The following ZNF808 variants were observed in gnomAD, a reference collection of about 807,000 sequenced individuals.
ZNF808 encodes the protein zinc finger protein 808.
Under a neutral mutation model 8.7 loss-of-function variants are expected in ZNF808, and 5 were observed. That is an observed-to-expected ratio of 0.58 (90% CI 0.30 to 1.21). The LOEUF is 1.21. Ranked by LOEUF, ZNF808 falls within the 50% of genes most tolerant of loss-of-function variation. The pLI is 0.07. For missense variants in ZNF808, 1,103 were observed against 1,098.4 expected (o/e 1.00, Z -0.06); for synonymous variants, 380 against 366.0 (o/e 1.04, Z -0.44).
At chr19:52,540,932 T>G (rs1348178879) in intron 2 of ZNF808, among the ~76,000 whole-genome samples, 1 of 152,130 alleles carries the variant, frequency 6.6e-6, no homozygotes, top group Non-Finnish European at 1.5e-5. Flanking sequence ...GTATATAAGA[T>G]GGTCCTGGAA....
chr19:52,532,739 A>C (rs77565788), intron 1 of ZNF808, among the ~76,000 whole-genome samples, 169 bp from the exon 2 acceptor site: 1 of 72,106 alleles, frequency 1.4e-5, no homozygotes, highest in Admixed American at 1.8e-4. Flanking sequence ...CACGTAAAGT[A>C]TTTATTAAGT....
chr19:52,542,638 CTTAATT>C (rs1308054377), intron 2 of ZNF808, among the ~76,000 whole-genome samples: 3 of 151,996 alleles, frequency 2.0e-5, no homozygotes. Context: ...CGGGGCAGAG[CTTAATT>C]TTATACATTT....
intron 2 of ZNF808, among the ~76,000 whole-genome samples, 187 bp downstream of exon 2, chr19:52,533,196 T>G (rs1050510509): frequency 2.0e-5 from 3 of 152,140 alleles, no homozygotes; most frequent in Admixed American, 1.3e-4. Context: ...TTTGTTTAAT[T>G]TTCTTTTATT....
chr19:52,530,536 G>C (rs1337386223), intron 1 of ZNF808, among the ~76,000 whole-genome samples: 1 of 152,142 alleles, frequency 6.6e-6, no homozygotes, highest in South Asian at 2.1e-4. Context: ...GGTGGCAGAT[G>C]CCTGTAATCC....
In ZNF808 at chr19:52,553,497, A is replaced by G; in HGVS notation, c.581A>G (p.Gln194Arg). Residue 194 changes from glutamine to arginine, a missense_variant, in exon 5 of 5, where the codon CAA becomes CGA. By Grantham distance (43) the Gln-to-Arg change is conservative (BLOSUM62 1). Coordinates refer to ENST00000359798, the MANE Select transcript of ZNF808 (RefSeq NM_001039886.4). ...TSDASSVSTSQRISCRPQIHI... is the reference protein window; with the variant it reads ...TSDASSVSTSRRISCRPQIHI... Reference sequence around the variant, plus strand: ...GATGCTTCCTCAGTTTCAACATCCCAAAGAATTTCCTGTAGGCCCCAAATC... The same window carrying G: ...GATGCTTCCTCAGTTTCAACATCCCGAAGAATTTCCTGTAGGCCCCAAATC... The G allele has an allele frequency of 1.9e-6, 3 of 1,614,178 alleles. No individual in the cohort carries two copies. Among genetic ancestry groups the G allele is most frequent in the Non-Finnish European group, 1.7e-6 (2 of 1,180,026 alleles).
Position 52,553,609 on chromosome 19 carries a change from C to T in ZNF808, c.693C>T (p.Phe231=), listed in dbSNP as rs748865263. ...KQEVHMREKS[F]PCNESGKAFN... ...AAGTACACATGAGAGAAAAATCTTT[C>T]CCATGTAATGAGAGTGGCAAAGCCT... The change falls in exon 5 of 5, where the codon TTC becomes TTT. Residue 231 remains phenylalanine, a synonymous_variant. Transcript: ENST00000359798. 1 of 1,614,158 alleles carries T rather than the reference C, an allele frequency of 6.2e-7. No individual in the cohort carries two copies. Among genetic ancestry groups the T allele is most frequent in the Admixed American group, 1.7e-5 (1 of 60,014 alleles).
At chr19:52,560,609 T>C (rs115618702), downstream of ZNF808, among the ~76,000 whole-genome samples, 1,035 of 152,288 alleles carry the variant, frequency 6.8e-3, 8 homozygotes, top group African/African-American at 0.022. Flanking sequence ...AAAACTGCTT[T>C]CACCTCAGGC....
downstream of ZNF808, among the ~76,000 whole-genome samples, chr19:52,566,367 T>G (rs551070811): frequency 1.3e-5 from 2 of 152,166 alleles, no homozygotes; most frequent in East Asian, 3.9e-4. Context: ...GGTTTCATTA[T>G]GTTAGTCAGG....
Position 52,528,902 on chromosome 19 carries a change from G to C in ZNF808, c.-122+1191G>C, listed in dbSNP as rs576677602. Among the ~76,000 whole-genome samples the C allele has an allele frequency of 3.3e-5, 5 of 152,032 alleles. No individual in the cohort carries two copies. The South Asian group carries it at 1.0e-3, about 32-fold the overall frequency. On this transcript the variant is annotated intron_variant, in intron 1 of 4. Transcript: ENST00000359798. ...CAATAAGAGGTTAAATAAGTTGCGAGGATGGAGCAGAAGAGATGGAAGAGA... is the reference window on the plus strand; with the variant it reads ...CAATAAGAGGTTAAATAAGTTGCGACGATGGAGCAGAAGAGATGGAAGAGA...
At chr19:52,546,087 T>C (rs2059717111) in intron 3 of ZNF808, among the ~76,000 whole-genome samples, 1 of 152,234 alleles carries the variant, frequency 6.6e-6, no homozygotes, top group Non-Finnish European at 1.5e-5. Flanking sequence ...TGGGACAGTA[T>C]GTTATTTTAT....
At chr19:52,539,946 G>C (rs1406286251) in intron 2 of ZNF808, among the ~76,000 whole-genome samples, 2 of 152,054 alleles carry the variant, frequency 1.3e-5, no homozygotes, top group African/African-American at 2.4e-5. Flanking sequence ...CTGGGCTCAA[G>C]TGATTTTCCC....
In ZNF808 at chr19:52,530,028, T is replaced by C. The variant is rs1390333025; in HGVS notation, c.-122+2317T>C. Among the ~76,000 whole-genome samples, 11 of 151,656 alleles carry C rather than the reference T, an allele frequency of 7.3e-5. No individual in the cohort carries two copies. The South Asian group carries it at 2.3e-3, about 32-fold the overall frequency. Reference sequence around the variant, plus strand: ...AAATTACTGGGATTACAGGTGGGATTACAGGGATGGCCCACCGCGTCTGGC... The same window carrying C: ...AAATTACTGGGATTACAGGTGGGATCACAGGGATGGCCCACCGCGTCTGGC... On this transcript the variant is annotated intron_variant, in intron 1 of 4. Coordinates refer to ENST00000359798, the MANE Select transcript of ZNF808 (RefSeq NM_001039886.4).
At chr19:52,536,883 GA>G (rs772098472) in intron 2 of ZNF808, among the ~76,000 whole-genome samples, 9 of 152,092 alleles carry the variant, frequency 5.9e-5, no homozygotes, top group South Asian at 2.1e-4. Flanking sequence ...TGGGGAGAAG[GA>G]GCAACAAGAG....
intron 3 of ZNF808, among the ~76,000 whole-genome samples, chr19:52,544,278 C>T (rs2059700465): frequency 6.6e-6 from 1 of 152,156 alleles, no homozygotes; most frequent in African/African-American, 2.4e-5. Context: ...CTACTGTAGC[C>T]TCCCAAAGAG....
Position 52,554,795 on chromosome 19 carries a change from G to A in ZNF808, c.1879G>A (p.Val627Ile). The A allele has an allele frequency of 6.2e-7, 1 of 1,613,866 alleles. No individual in the cohort carries two copies. The highest frequency in any genetic ancestry group is 2.2e-5 in the East Asian group (1 of 44,832). The stretch of plus-strand genomic sequence containing the variant: ...TGGAGAGAAACCATACAGATGTCAG[G>A]TTTGTGACACAGCTTTCACGTGGAA... Reference protein sequence around the residue: ...HTGEKPYRCQVCDTAFTWNSQ... With the variant: ...HTGEKPYRCQICDTAFTWNSQ... The change falls in exon 5 of 5, where the codon GTT becomes ATT. Residue 627 changes from valine (V) to isoleucine (I), a missense_variant. Transcript: ENST00000359798.
chr19:52,556,249 C>T lies in ZNF808; in HGVS notation c.*621C>T, dbSNP rs1186485315. ...CCAAGGCACATAGGTCACTTGAGGTCAGAAGTTTGAAACCACCATGGCCAA... is the reference window on the plus strand; with the variant it reads ...CCAAGGCACATAGGTCACTTGAGGTTAGAAGTTTGAAACCACCATGGCCAA... On this transcript the variant is annotated 3_prime_UTR_variant, in exon 5 of 5. Coordinates refer to ENST00000359798, the MANE Select transcript of ZNF808 (RefSeq NM_001039886.4). The T allele has an allele frequency of 1.1e-5, 2 of 181,206 alleles. No homozygotes were observed. The highest frequency in any genetic ancestry group is 2.4e-5 in the African/African-American group (1 of 41,744). The allele number at this position is 181,206 out of a possible 1,614,324, so 11.2% of individuals were successfully genotyped here. A position where few individuals can be genotyped will look rare whatever the true frequency, so the allele number is the denominator to read the frequency against.
chr19:52,555,352 T>A lies in ZNF808; in HGVS notation c.2436T>A (p.Ile812=). ...RNSYLARHIR[I]HTAEKPYKCN... ...CATACCTGGCAAGACATATTAGAAT[T>A]CACACTGCAGAGAAACCTTACAAGT... The change falls in exon 5 of 5, where the codon ATT becomes ATA. Residue 812 remains isoleucine, a synonymous_variant. Transcript: ENST00000359798. 1 of 1,614,188 alleles carries A rather than the reference T, an allele frequency of 6.2e-7. No homozygotes were observed. The highest frequency in any genetic ancestry group is 8.5e-7 in the Non-Finnish European group (1 of 1,180,040).
chr19:52,543,377 T>C (rs557451263), intron 3 of ZNF808, 30 bp downstream of exon 3: 1 of 1,607,218 alleles, frequency 6.2e-7, no homozygotes, highest in African/African-American at 1.3e-5. Context: ...TGGATTAATC[T>C]GTCTCTTTCC....
downstream of ZNF808, chr19:52,556,505 T>G (rs1161556959): frequency 6.6e-6 from 1 of 152,332 alleles, no homozygotes; most frequent in Non-Finnish European, 1.5e-5. Context: ...TTTTTGTATT[T>G]GTAGTAGAGA....
Sources: allele counts gnomAD v4.1 joint callset (sites outside exome capture counted in the v4.1 genomes callset), GRCh38; gene constraint gnomAD v4.1.1; transcripts MANE v1.5; gene names NCBI Gene and HGNC (gene_info 2026-07-23, HGNC 2026-07-21).